TRIOBP: variants seen among roughly 807,000 people sequenced by gnomAD.
TRIOBP encodes the protein TRIO and F-actin-binding protein.
In TRIOBP, 169 loss-of-function variants were observed where a neutral mutation model predicts 238.8. The ratio of observed to expected loss-of-function variants is 0.71; its 90% CI spans 0.62 to 0.80. The LOEUF is 0.80. Among genes scored for constraint, TRIOBP ranks in the 30% least tolerant of loss-of-function variants. TRIOBP has a pLI of 0.00. For synonymous variants in TRIOBP, 1,150 were observed against 1,274.4 expected, an observed-to-expected ratio of 0.90 and a Z score of 2.08; for missense variants, 2,838 against 3,122.6, an observed-to-expected ratio of 0.91 and a Z score of 2.17.
chr22:37,765,557 G>A, intron 17 of TRIOBP, 113 bp from the exon 18 acceptor site: 2 of 1,419,216 alleles, frequency 1.4e-6, no homozygotes, highest in Non-Finnish European at 9.6e-7. Context: ...GAGGTGCTGG[G>A]ACCCAGGAGG....
At chr22:37,742,687 C>T (rs1164245151) in intron 11 of TRIOBP, among the ~76,000 whole-genome samples, 2 of 152,126 alleles carry the variant, frequency 1.3e-5, no homozygotes, top group South Asian at 2.1e-4. Context: ...TAAAGGTCAC[C>T]AACACACAGC....
At chr22:37,736,301 T>C (rs1161972825) in intron 9 of TRIOBP, among the ~76,000 whole-genome samples, 2 of 152,156 alleles carry the variant, frequency 1.3e-5, no homozygotes, top group African/African-American at 2.4e-5. Flanking sequence ...TCTCTCTCTG[T>C]AAGATGGACC....
intron 11 of TRIOBP, chr22:37,750,865 C>A: frequency 2.5e-6 from 1 of 407,730 alleles, no homozygotes. Context: ...CACCCGTTCT[C>A]TGCAGGCAAC....
At chr22:37,709,938 C>T (rs766595079) in intron 3 of TRIOBP, among the ~76,000 whole-genome samples, 1 of 152,226 alleles carries the variant, frequency 6.6e-6, no homozygotes, top group African/African-American at 2.4e-5. Flanking sequence ...TCCCTCAGAC[C>T]TCTCCCTTCT....
chr22:37,732,163 A>G (rs1005406167), intron 7 of TRIOBP, among the ~76,000 whole-genome samples: 1 of 152,182 alleles, frequency 6.6e-6, no homozygotes, highest in Non-Finnish European at 1.5e-5. Flanking sequence ...TAGGTAGAGG[A>G]AGGGAGAGAT....
In TRIOBP at chr22:37,724,097, G is replaced by A; in HGVS notation, c.1541G>A (p.Arg514Lys). ...CAQRDNPRAS[R>K]TSSPNRATRD... is the part of the protein sequence containing the mutation. ...CAGCGGGACAATCCCAGAGCCTCCA[G>A]AACCTCCTCTCCCAATAGAGCCACA... The change falls in exon 7 of 24, where the codon AGA becomes AAA. Residue 514 changes from arginine (R) to lysine (K), a missense_variant. By Grantham distance (26) the Arg-to-Lys change is conservative. Around this residue, in one of 5 missense-constraint regions of TRIOBP, gnomAD observed 14 missense variants for 198.4 expected, o/e 0.07. Coordinates refer to ENST00000644935, the MANE Select transcript of TRIOBP (RefSeq NM_001039141.3). 2 of 1,553,538 alleles carry A rather than the reference G, an allele frequency of 1.3e-6. No individual in the cohort carries two copies. Among genetic ancestry groups the A allele is most frequent in the Non-Finnish European group, 1.7e-6 (2 of 1,160,220 alleles).
intron 10 of TRIOBP, among the ~76,000 whole-genome samples, chr22:37,739,347 CTGTT>C (rs1440301233): frequency 6.6e-6 from 1 of 152,150 alleles, no homozygotes; most frequent in African/African-American, 2.4e-5. Context: ...AGGAGACAGA[CTGTT>C]TGGGGCTGTG....
Position 37,746,335 on chromosome 22 carries a change from G to T in TRIOBP, c.5322+5303G>T, listed in dbSNP as rs1925261053. The T allele has an allele frequency of 3.4e-6, 4 of 1,163,180 alleles. No individual in the cohort carries two copies. In the African/African-American group the frequency reaches 4.9e-5, roughly 14 times the overall value. 72.1% of individuals were successfully genotyped at this position (1,163,180 alleles called of 1,614,324 possible). On this transcript the variant is annotated intron_variant, in intron 11 of 23. Coordinates refer to ENST00000644935, the MANE Select transcript of TRIOBP (RefSeq NM_001039141.3). Reference sequence around the variant, plus strand: ...AGGGGCGGCGGCGGCGGCGGCGGCGGGGTTCCCGCGCCGCGGAGCCCGGCC... The same window carrying T: ...AGGGGCGGCGGCGGCGGCGGCGGCGTGGTTCCCGCGCCGCGGAGCCCGGCC...
chr22:37,710,005 G>T (rs966391047), intron 3 of TRIOBP, among the ~76,000 whole-genome samples: 1 of 152,186 alleles, frequency 6.6e-6, no homozygotes, highest in Non-Finnish European at 1.5e-5. Context: ...AAAGACCCTG[G>T]TGGATCCTTC....
intron 17 of TRIOBP, 110 bp downstream of exon 17, chr22:37,759,374 G>T: frequency 7.6e-7 from 1 of 1,311,146 alleles, no homozygotes. Flanking sequence ...TGGAACCTGT[G>T]TGGGGCATTT....
intron 2 of TRIOBP, among the ~76,000 whole-genome samples, chr22:37,698,742 T>C (rs1006876258): frequency 6.6e-6 from 1 of 152,066 alleles, no homozygotes; most frequent in Admixed American, 6.6e-5. Context: ...TCCCAGAGAC[T>C]GAGGCAGGAG....
rs544219597 is a variant in TRIOBP at position 37,746,361 on chromosome 22, C to T, written c.5322+5329C>T. 3.2e-4 allele frequency: 406 copies of T among 1,255,628 alleles called. 5 individuals carry two copies. In the South Asian group the frequency reaches 8.1e-3, roughly 25 times the overall value. 77.8% of individuals were successfully genotyped at this position (1,255,628 alleles called of 1,614,324 possible). A position where few individuals can be genotyped will look rare whatever the true frequency, so the allele number is the denominator to read the frequency against. On this transcript the variant is annotated intron_variant, in intron 11 of 23. Coordinates refer to ENST00000644935, the MANE Select transcript of TRIOBP (RefSeq NM_001039141.3). ...GGTTCCCGCGCCGCGGAGCCCGGCCCGAGAGCCGCGTCCACGTTCCTGCCT... is the reference window on the plus strand; with the variant it reads ...GGTTCCCGCGCCGCGGAGCCCGGCCTGAGAGCCGCGTCCACGTTCCTGCCT...
chr22:37,771,536 G>C (rs1271538226), intron 21 of TRIOBP, 114 bp from the exon 22 acceptor site: 1 of 908,602 alleles, frequency 1.1e-6, no homozygotes, highest in Non-Finnish European at 1.8e-6. Context: ...TTTTTGTGCA[G>C]ATAGGGGCTG....
rs931309872 is a variant in TRIOBP, at chr22:37,747,570, G to T, written c.5323-4202G>T. On this transcript the variant is annotated intron_variant, in intron 11 of 23. Transcript: ENST00000644935. Reference sequence around the variant, plus strand: ...CTCCTGGACATCCTGCCACCTCCCTGCTGGCCCTTCCTGTCGTCAGCAGCC... The same window carrying T: ...CTCCTGGACATCCTGCCACCTCCCTTCTGGCCCTTCCTGTCGTCAGCAGCC... Among the ~76,000 whole-genome samples, 9 of 152,322 alleles carry T rather than the reference G, an allele frequency of 5.9e-5. No homozygotes were observed. In the South Asian group the frequency reaches 1.2e-3, roughly 21 times the overall value.
At chr22:37,739,789 T>A (rs757677492) in intron 10 of TRIOBP, among the ~76,000 whole-genome samples, 3 of 152,156 alleles carry the variant, frequency 2.0e-5, no homozygotes, top group Non-Finnish European at 4.4e-5. Flanking sequence ...TTGCTCTTCC[T>A]CTTTCTGGGT....
At chr22:37,771,856 G>T in intron 22 of TRIOBP, 120 bp downstream of exon 22, 1 of 888,968 alleles carries the variant, frequency 1.1e-6, no homozygotes, top group Non-Finnish European at 1.8e-6. Context: ...AGGCTCTCCT[G>T]TGCTTCTCCC....
rs1328100038 is a variant in TRIOBP at position 37,759,736 on chromosome 22, C to T, written c.6324+472C>T. The T allele has an allele frequency of 1.4e-5, 21 of 1,454,928 alleles. 1 individual carries two copies. Among genetic ancestry groups the T allele is most frequent in the South Asian group, 8.3e-5 (6 of 72,510 alleles). 90.1% of individuals were successfully genotyped at this position (1,454,928 alleles called of 1,614,324 possible). A position where few individuals can be genotyped will look rare whatever the true frequency, so the allele number is the denominator to read the frequency against. ...CTCCAGTAGCCCTCAGAGAATGCAC[C>T]GTCCGCCTAGGACAGCGGTTCTCAA... On this transcript the variant is annotated intron_variant, in intron 17 of 23. Coordinates refer to ENST00000644935, the MANE Select transcript of TRIOBP (RefSeq NM_001039141.3).
chr22:37,721,589 G>A (rs1430923218), intron 6 of TRIOBP, among the ~76,000 whole-genome samples: 2 of 151,998 alleles, frequency 1.3e-5, no homozygotes, highest in Non-Finnish European at 2.9e-5. Flanking sequence ...GCACTCCTCC[G>A]GCCTCAGCCT....
intron 7 of TRIOBP, among the ~76,000 whole-genome samples, chr22:37,729,974 A>T (rs1924346778): frequency 6.6e-6 from 1 of 152,276 alleles, no homozygotes; most frequent in East Asian, 1.9e-4. Flanking sequence ...TACTCTGTCC[A>T]AGCATTGTCC....
Sources: allele counts gnomAD v4.1 joint callset (sites outside exome capture counted in the v4.1 genomes callset), GRCh38; gene constraint gnomAD v4.1.1; regional missense constraint gnomAD v4.1.1; transcripts MANE v1.5; gene names NCBI Gene and HGNC (gene_info 2026-07-23, HGNC 2026-07-21).